PRH1: variants seen among roughly 807,000 people sequenced by gnomAD.
PRH1 encodes salivary acidic proline-rich phosphoprotein 1/2.
A neutral mutation model predicts 7.9 loss-of-function variants in PRH1; 7 were observed. The observed-to-expected ratio is 0.89, with a 90% CI of 0.50 to 1.67. The LOEUF is 1.67. Ranked by LOEUF, PRH1 falls within the 40% of genes most tolerant of loss-of-function variation. The pLI, the probability that PRH1 is intolerant of heterozygous loss-of-function variation, is 0.00. For missense variants in PRH1, 109 were observed against 223.6 expected (o/e 0.49, Z 3.27); for synonymous variants, 45 against 80.8 (o/e 0.56, Z 2.38).
chr12:10,971,817 T>C (rs901117128), intron 2 of PRH1, among the ~76,000 whole-genome samples: 9 of 152,142 alleles, frequency 5.9e-5, no homozygotes, highest in Non-Finnish European at 1.5e-5. Flanking sequence ...TATTCAATTT[T>C]AAAACGTAAC....
At chr12:11,159,637 C>T (rs1229549798) in intron 1 of PRH1, 1 of 152,098 alleles carries the variant, frequency 6.6e-6, no homozygotes, top group African/African-American at 2.4e-5. Flanking sequence ...CCCAGCATTC[C>T]TAAGACAAGT....
intron 1 of PRH1, among the ~76,000 whole-genome samples, chr12:11,083,005 T>C (rs1352138283): frequency 1.6e-4 from 17 of 103,668 alleles, no homozygotes; most frequent in South Asian, 5.2e-4. Context: ...TATCTTTCTA[T>C]GAATTTTTCT....
intron 2 of PRH1, chr12:10,939,217 G>A: frequency 6.7e-7 from 1 of 1,483,498 alleles, no homozygotes; most frequent in Non-Finnish European, 9.1e-7. Flanking sequence ...TTGCCTGTAA[G>A]AGCATGCCCC....
At chr12:10,997,920 G>T in intron 1 of PRH1, 1 of 1,244,524 alleles carries the variant, frequency 8.0e-7, no homozygotes, top group South Asian at 1.6e-5. Context: ...TAATGTCACT[G>T]ATGGTGACTC....
intron 1 of PRH1, among the ~76,000 whole-genome samples, chr12:10,976,409 T>C (rs912834901): frequency 6.6e-6 from 1 of 152,118 alleles, no homozygotes; most frequent in African/African-American, 2.4e-5. Context: ...ATTTCTGGGA[T>C]ATAGCTAAGG....
At chr12:10,986,128 G>C (rs1039882029) in intron 1 of PRH1, 1 of 1,614,068 alleles carries the variant, frequency 6.2e-7, no homozygotes, top group Non-Finnish European at 8.5e-7. Context: ...GAAACGATTA[G>C]GAATAGAAAG....
intron 1 of PRH1, among the ~76,000 whole-genome samples, chr12:11,129,851 T>C (rs1946277691): frequency 6.6e-6 from 1 of 152,284 alleles, no homozygotes; most frequent in African/African-American, 2.4e-5. Context: ...GCCAGTTTAA[T>C]GTATTGATAA....
chr12:11,116,472 T>G (rs544813379), downstream of PRH1, among the ~76,000 whole-genome samples: 4 of 152,136 alleles, frequency 2.6e-5, no homozygotes, highest in East Asian at 7.7e-4. Flanking sequence ...GCAGATGGCT[T>G]TAGAGCTGAA....
At chr12:11,031,838 T>G (rs1942238386) in intron 1 of PRH1, among the ~76,000 whole-genome samples, 1 of 152,218 alleles carries the variant, frequency 6.6e-6, no homozygotes, top group Non-Finnish European at 1.5e-5. Context: ...CCCCACTCGA[T>G]TCAGAAAGTA....
chr12:11,025,483 T>C (rs1018374642), intron 1 of PRH1, among the ~76,000 whole-genome samples: 1 of 152,300 alleles, frequency 6.6e-6, no homozygotes, highest in Non-Finnish European at 1.5e-5. Context: ...ACTTTTCAGA[T>C]TTTCTATTGG....
intron 1 of PRH1, among the ~76,000 whole-genome samples, chr12:11,099,009 T>G (rs976603761): frequency 6.6e-6 from 1 of 152,146 alleles, no homozygotes; most frequent in African/African-American, 2.4e-5. Context: ...AGGCCTTTGG[T>G]AAAGTTTCTC....
At chr12:10,990,592 T>G (rs779825189) in intron 1 of PRH1, among the ~76,000 whole-genome samples, 20 of 152,154 alleles carry the variant, frequency 1.3e-4, no homozygotes, top group Non-Finnish European at 1.5e-5. Flanking sequence ...CACTGAAAAA[T>G]CTAAAGCTGA....
chr12:11,030,934 CA>C (rs746207318), intron 1 of PRH1: 55 of 1,614,132 alleles, frequency 3.4e-5, no homozygotes, highest in Non-Finnish European at 4.4e-5. Context: ...GTAAAGGCCC[CA>C]ACAGCATCAC....
At chr12:11,122,014 C>T (rs932208266) in intron 1 of PRH1, among the ~76,000 whole-genome samples, 2 of 152,182 alleles carry the variant, frequency 1.3e-5, no homozygotes, top group Non-Finnish European at 2.9e-5. Context: ...AATAAACATA[C>T]ATATATATGT....
chr12:11,031,257 T>A (rs747690476), intron 1 of PRH1: 2 of 1,613,962 alleles, frequency 1.2e-6, no homozygotes, highest in Non-Finnish European at 1.7e-6. Context: ...ACCAATGCTA[T>A]GAAGCCATTA....
downstream of PRH1, among the ~76,000 whole-genome samples, chr12:11,118,413 G>C (rs149096733): frequency 3.4e-3 from 515 of 152,192 alleles, 3 homozygotes; most frequent in African/African-American, 0.012. Context: ...ACAAAAGACA[G>C]GTAGTAACAA....
chr12:11,028,554 T>C (rs1349972902), intron 1 of PRH1, among the ~76,000 whole-genome samples: 1 of 152,246 alleles, frequency 6.6e-6, no homozygotes, highest in Non-Finnish European at 1.5e-5. Flanking sequence ...GGTATTACAT[T>C]AAAAACATTT....
chr12:11,092,520 T>A (rs145448126), intron 1 of PRH1, among the ~76,000 whole-genome samples: 2,987 of 115,636 alleles, frequency 0.026, 883 homozygotes, highest in South Asian at 0.038. Flanking sequence ...TTTTCCTTTT[T>A]TGTCCTATCA....
At chr12:10,896,831 C>T (rs1431940901) in intron 2 of PRH1, 1 of 151,284 alleles carries the variant, frequency 6.6e-6, no homozygotes, top group South Asian at 2.1e-4. Flanking sequence ...GGCACTTCTT[C>T]TATTGATATC....
Sources: gnomAD v4.1 joint callset for allele counts (sites outside exome capture counted in the v4.1 genomes callset) on GRCh38, gnomAD v4.1.1 for gene constraint, MANE v1.5 for transcripts, NCBI Gene and HGNC (gene_info 2026-07-23, HGNC 2026-07-21) for gene names.